LYRM9: variants seen among roughly 807,000 people sequenced by gnomAD.
The protein encoded by LYRM9 is LYR motif-containing protein 9.
A neutral mutation model predicts 12.6 loss-of-function variants in LYRM9; 14 were observed. The ratio of observed to expected loss-of-function variants is 1.11; its 90% CI spans 0.73 to 1.73. The LOEUF is 1.73. LYRM9 is among the 40% of genes most tolerant of loss of function. The pLI is 0.00. For missense variants in LYRM9, 94 were observed against 95.0 expected (o/e 0.99, Z 0.04); for synonymous variants, 42 against 35.1 (o/e 1.20, Z -0.69).
Position 27,879,331 on chromosome 17 carries a change from C to T in LYRM9, c.*142G>A. 1.2e-6 allele frequency: 1 copy of T among 851,004 alleles called. No homozygotes were observed. The highest frequency in any genetic ancestry group is 3.5e-5 in the Admixed American group (1 of 28,760). The allele number at this position is 851,004 out of a possible 1,614,324, so 52.7% of individuals were successfully genotyped here. On this transcript the variant is annotated 3_prime_UTR_variant, in exon 4 of 4. Coordinates refer to ENST00000379102, the MANE Select transcript of LYRM9 (RefSeq NM_001076680.3). ...AACATGGCCGCGGCAAGAGGAGCCT[C>T]TGGAGCAAGGTCAGCTTCTCCCCTG...
At chr17:27,892,335 T>C (rs958427747) in intron 1 of LYRM9, 15 of 442,488 alleles carry the variant, frequency 3.4e-5, no homozygotes, top group Middle Eastern at 3.3e-4. Flanking sequence ...ACCTGTGAAA[T>C]GAAGGGAAAT....
chr17:27,891,377 T>C (rs944685620), intron 1 of LYRM9, among the ~76,000 whole-genome samples: 1 of 152,206 alleles, frequency 6.6e-6, no homozygotes, highest in African/African-American at 2.4e-5. Context: ...CTGTTCCCCA[T>C]CTGTCAATGC....
chr17:27,881,861 G>A (rs1041191886), intron 2 of LYRM9, among the ~76,000 whole-genome samples: 2 of 151,794 alleles, frequency 1.3e-5, no homozygotes, highest in African/African-American at 2.4e-5. Flanking sequence ...AGGTGAGAAT[G>A]CAGTGGCACA....
At chr17:27,889,093 T>A (rs2142597695) in intron 1 of LYRM9, among the ~76,000 whole-genome samples, 1 of 152,164 alleles carries the variant, frequency 6.6e-6, no homozygotes, top group Middle Eastern at 3.4e-3. Flanking sequence ...TCAACACACG[T>A]ACCTTTATTT....
intron 1 of LYRM9, among the ~76,000 whole-genome samples, chr17:27,884,139 C>T (rs1026361368): frequency 5.9e-5 from 9 of 151,978 alleles, no homozygotes; most frequent in Admixed American, 4.6e-4. Context: ...CTACAGAACC[C>T]ACATTCTTCT....
At chr17:27,890,540 G>C (rs1567666403) in intron 1 of LYRM9, among the ~76,000 whole-genome samples, 1 of 152,134 alleles carries the variant, frequency 6.6e-6, no homozygotes, top group South Asian at 2.1e-4. Context: ...AGAAAATAAA[G>C]CTACAAAGGG....
At chr17:27,887,047 C>T (rs1240110951) in intron 1 of LYRM9, among the ~76,000 whole-genome samples, 1 of 152,200 alleles carries the variant, frequency 6.6e-6, no homozygotes, top group Non-Finnish European at 1.5e-5. Context: ...TTCAGACTCT[C>T]TCTGAGACAA....
Position 27,880,794 on chromosome 17 carries a change from C to A in LYRM9, c.127-428G>T, listed in dbSNP as rs1216494002. The A allele has an allele frequency of 3.6e-5, 7 of 193,226 alleles. No individual in the cohort carries two copies. The Admixed American group carries it at 3.8e-4, about 11-fold the overall frequency. The allele number at this position is 193,226 out of a possible 1,614,324, so 12.0% of individuals were successfully genotyped here. A position where few individuals can be genotyped will look rare whatever the true frequency, so the allele number is the denominator to read the frequency against. Reference sequence around the variant, plus strand: ...AAGTAGGACTTCTCTCGGCCCAGTGCTAGGAGAGCTACACAGGGAAGGGAG... The same window carrying A: ...AAGTAGGACTTCTCTCGGCCCAGTGATAGGAGAGCTACACAGGGAAGGGAG... On this transcript the variant is annotated intron_variant, in intron 2 of 3. Transcript: ENST00000379102.
Position 27,879,167 on chromosome 17 carries a change from T to C in LYRM9, c.*306A>G. The C allele has an allele frequency of 3.1e-6, 1 of 318,562 alleles. No individual in the cohort carries two copies. Among genetic ancestry groups the C allele is most frequent in the Non-Finnish European group, 5.8e-6 (1 of 171,958 alleles). The allele number at this position is 318,562 out of a possible 1,614,324, so 19.7% of individuals were successfully genotyped here. A position where few individuals can be genotyped will look rare whatever the true frequency, so the allele number is the denominator to read the frequency against. ...GAGAATGATAAAGAGATCTCCAGAA[T>C]AAATGAATCACTTTCAGAGAAAAGT... is the stretch of plus-strand genomic sequence containing the variant. On this transcript the variant is annotated 3_prime_UTR_variant, in exon 4 of 4. Coordinates refer to ENST00000379102, the MANE Select transcript of LYRM9 (RefSeq NM_001076680.3).
chr17:27,885,617 G>A (rs1905205452), intron 1 of LYRM9, among the ~76,000 whole-genome samples: 1 of 150,912 alleles, frequency 6.6e-6, no homozygotes, highest in Non-Finnish European at 1.5e-5. Flanking sequence ...GGCTGTGATG[G>A]GAGGATCACT....
chr17:27,884,678 G>A (rs1258554007), intron 1 of LYRM9, among the ~76,000 whole-genome samples: 1 of 152,126 alleles, frequency 6.6e-6, no homozygotes, highest in Non-Finnish European at 1.5e-5. Flanking sequence ...GCTCTCCCTG[G>A]GCTGAGCGCC....
intron 1 of LYRM9, among the ~76,000 whole-genome samples, chr17:27,887,713 G>GGGGTGTGTGTGTGTGT (rs1485417792): frequency 5.8e-5 from 5 of 86,730 alleles, no homozygotes; most frequent in South Asian, 4.0e-4. Context: ...TAGGAGGGAG[G>GGGGTGTGTGTGTGTGT]GTGTGTGTGT....
chr17:27,880,397 A>C, intron 2 of LYRM9, 31 bp from the exon 3 acceptor site: 1 of 1,550,462 alleles, frequency 6.4e-7, no homozygotes, highest in Non-Finnish European at 8.8e-7. Flanking sequence ...AAAGATGACT[A>C]GGCAAAATTC....
chr17:27,882,742 C>A, intron 1 of LYRM9, 30 bp from the exon 2 acceptor site: 1 of 1,545,158 alleles, frequency 6.5e-7, no homozygotes, highest in Non-Finnish European at 8.7e-7. Flanking sequence ...ACTTCCAGGG[C>A]ATCAAGCCAA....
chr17:27,887,131 GTGA>G (rs1335688248), intron 1 of LYRM9, among the ~76,000 whole-genome samples: 1 of 151,860 alleles, frequency 6.6e-6, no homozygotes, highest in Non-Finnish European at 1.5e-5. Context: ...AACAGCCAGA[GTGA>G]ATCTTTCTAA....
chr17:27,887,713 G>GGTGTGT lies in LYRM9; in HGVS notation c.-18-5007_-18-5002dup, dbSNP rs59760752. Among the ~76,000 whole-genome samples, 204 of 86,828 alleles carry GGTGTGT rather than the reference G, an allele frequency of 2.3e-3. 1 individual carries two copies. The highest frequency in any genetic ancestry group is 7.4e-3 in the Middle Eastern group (1 of 136). The allele number at this position is 86,828 out of a possible 152,430, so 57.0% of individuals were successfully genotyped here. The stretch of plus-strand genomic sequence containing the variant: ...GAGAAACAGAACCTATAGGAGGGAG[G>GGTGTGT]GTGTGTGTGTGTGTGTGTGTGTGTG... On this transcript the variant is annotated intron_variant, in intron 1 of 3. Transcript: ENST00000379102.
intron 2 of LYRM9, among the ~76,000 whole-genome samples, chr17:27,882,051 G>A (rs1286742723): frequency 6.6e-6 from 1 of 152,072 alleles, no homozygotes; most frequent in Non-Finnish European, 1.5e-5. Context: ...CACCATGCCT[G>A]GTTCCCAATA....
chr17:27,887,709 GGA>G, intron 1 of LYRM9, among the ~76,000 whole-genome samples: 1 of 127,004 alleles, frequency 7.9e-6, no homozygotes, highest in East Asian at 2.2e-4. Context: ...CCTATAGGAG[GGA>G]GGGTGTGTGT....
chr17:27,883,013 G>T (rs1049634280), intron 1 of LYRM9: 4 of 503,254 alleles, frequency 7.9e-6, no homozygotes, highest in Non-Finnish European at 1.6e-5. Flanking sequence ...CACCGGCAGG[G>T]TAGGGTAGAA....
Sources: allele counts gnomAD v4.1 joint callset (sites outside exome capture counted in the v4.1 genomes callset), GRCh38; gene constraint gnomAD v4.1.1; transcripts MANE v1.5; gene names NCBI Gene and HGNC (gene_info 2026-07-23, HGNC 2026-07-21).